The following INPP4A variants were observed in gnomAD, a reference collection of about 807,000 sequenced individuals.
INPP4A encodes inositol polyphosphate-4-phosphatase type I A, also known as inositol polyphosphate-4-phosphatase, type I, 107kD.
A neutral mutation model predicts 119.8 loss-of-function variants in INPP4A; 33 were observed. The observed-to-expected ratio is 0.28, with a 90% confidence interval of 0.21 to 0.37. INPP4A has a LOEUF of 0.37. Among genes scored for constraint, INPP4A ranks in the 10% least tolerant of loss-of-function variants. The pLI is 1.00. For synonymous variants in INPP4A, 496 were observed against 500.7 expected, an observed-to-expected ratio of 0.99 and a Z score of 0.12; for missense variants, 956 against 1,289.9, an observed-to-expected ratio of 0.74 and a Z score of 3.97.
chr2:98,463,477 C>T (rs991340648), intron 1 of INPP4A, among the ~76,000 whole-genome samples: 4 of 152,224 alleles, frequency 2.6e-5, no homozygotes, highest in African/African-American at 7.2e-5. Flanking sequence ...GCACGTTGCA[C>T]GTACATTTTG....
chr2:98,453,815 C>T (rs1034914434), intron 1 of INPP4A, among the ~76,000 whole-genome samples: 1 of 152,160 alleles, frequency 6.6e-6, no homozygotes, highest in Non-Finnish European at 1.5e-5. Context: ...TGAGCCAAAT[C>T]CTCCTGATGA....
intron 1 of INPP4A, among the ~76,000 whole-genome samples, chr2:98,504,759 A>G (rs1683730763): frequency 6.6e-6 from 1 of 152,260 alleles, no homozygotes; most frequent in Non-Finnish European, 1.5e-5. Flanking sequence ...TTAGAAAAAT[A>G]AACAGAGCCT....
rs781631598 is a variant in INPP4A, at chr2:98,566,159, C to A, written c.2410C>A (p.Leu804Met). The A allele has an allele frequency of 1.3e-6, 2 of 1,593,458 alleles. No individual in the cohort carries two copies. Among genetic ancestry groups the A allele is most frequent in the Non-Finnish European group, 8.6e-7 (1 of 1,167,764 alleles). ...FNVGINEQQTLAERFGDTSLQ... is the reference protein window; with the variant it reads ...FNVGINEQQTMAERFGDTSLQ... Reference sequence around the variant, plus strand: ...CGTGGGCATCAATGAGCAGCAGACACTGGCCGAGAGGTGCGTGCCGGCTCC... The same window carrying A: ...CGTGGGCATCAATGAGCAGCAGACAATGGCCGAGAGGTGCGTGCCGGCTCC... The change falls in exon 21 of 25, where the codon CTG becomes ATG. Residue 804 changes from leucine (L) to methionine (M), a missense_variant. By Grantham distance (15) the Leu-to-Met change is conservative. Coordinates refer to ENST00000409851, the MANE Select transcript of INPP4A (RefSeq NM_001134225.2). This position sits in a 1 kb window ranked among gnomAD's most constrained non-coding sequence, Gnocchi z 4.2.
intron 16 of INPP4A, among the ~76,000 whole-genome samples, chr2:98,557,594 C>G (rs957557900): frequency 3.3e-5 from 5 of 152,210 alleles, no homozygotes; most frequent in Non-Finnish European, 7.3e-5. Flanking sequence ...GTGAGAATAA[C>G]TCTGTACTGC....
chr2:98,504,572 C>T (rs1683694776), intron 1 of INPP4A, among the ~76,000 whole-genome samples: 1 of 152,206 alleles, frequency 6.6e-6, no homozygotes, highest in African/African-American at 2.4e-5. Context: ...TCCCCAGTCT[C>T]CTGGCTTACT....
chr2:98,467,132 G>A (rs912485439), intron 1 of INPP4A, among the ~76,000 whole-genome samples: 21 of 152,092 alleles, frequency 1.4e-4, no homozygotes, highest in African/African-American at 4.8e-4. Context: ...GGAAGGGAGC[G>A]GGTGGTGGTG....
chr2:98,518,052 C>T (rs986842201), intron 1 of INPP4A, among the ~76,000 whole-genome samples: 4 of 152,234 alleles, frequency 2.6e-5, no homozygotes, highest in African/African-American at 9.6e-5. Context: ...GTGTGTTCCT[C>T]ATTTATAAAT....
chr2:98,446,515 C>G (rs1393601718), intron 1 of INPP4A, among the ~76,000 whole-genome samples: 1 of 151,952 alleles, frequency 6.6e-6, no homozygotes, highest in African/African-American at 2.4e-5. Context: ...GTGCCTCATT[C>G]CCTGTGATGT....
chr2:98,474,286 C>T (rs1429973383), intron 1 of INPP4A, among the ~76,000 whole-genome samples: 1 of 152,234 alleles, frequency 6.6e-6, no homozygotes, highest in African/African-American at 2.4e-5. Flanking sequence ...CACCCGCAGC[C>T]TTCCCAGTGC....
chr2:98,563,941 T>G (rs1298587340), intron 18 of INPP4A, among the ~76,000 whole-genome samples: 2 of 151,328 alleles, frequency 1.3e-5, no homozygotes, highest in South Asian at 2.1e-4. Context: ...GCGTTTTTTT[T>G]TTTTTTTTTT....
In INPP4A at chr2:98,452,035, G is replaced by A. The variant is rs148005995; in HGVS notation, c.-166+6950G>A. On this transcript the variant is annotated intron_variant, in intron 1 of 24. Coordinates refer to ENST00000409851, the MANE Select transcript of INPP4A (RefSeq NM_001134225.2). Reference sequence around the variant, plus strand: ...GCTCCTCTGTCCAGCCATCACTGCCGGTTTCATCCTAGGGGGTTAGTCTCC... The same window carrying A: ...GCTCCTCTGTCCAGCCATCACTGCCAGTTTCATCCTAGGGGGTTAGTCTCC... 5.2e-3 allele frequency among the ~76,000 whole-genome samples: 794 copies of A among 152,240 alleles called. 12 individuals carry two copies. The highest frequency in any genetic ancestry group is 0.018 in the African/African-American group (738 of 41,520).
At chr2:98,474,642 G>A (rs1052522194) in intron 1 of INPP4A, among the ~76,000 whole-genome samples, 1 of 152,202 alleles carries the variant, frequency 6.6e-6, no homozygotes, top group African/African-American at 2.4e-5. Flanking sequence ...GCCCTGGGAG[G>A]CAGCAGACCC....
At chr2:98,506,776 AGG>A (rs535362562) in intron 1 of INPP4A, among the ~76,000 whole-genome samples, 29 of 152,312 alleles carry the variant, frequency 1.9e-4, no homozygotes, top group Non-Finnish European at 3.4e-4. Flanking sequence ...CACAAGAGGA[AGG>A]GGTCCTGGGC....
chr2:98,496,035 G>A (rs911481080), intron 1 of INPP4A, among the ~76,000 whole-genome samples: 1 of 152,206 alleles, frequency 6.6e-6, no homozygotes, highest in African/African-American at 2.4e-5. Flanking sequence ...GGAATCTGGT[G>A]TCTTATTACT....
intron 4 of INPP4A, among the ~76,000 whole-genome samples, chr2:98,526,904 G>A (rs551832441): frequency 3.3e-5 from 5 of 152,262 alleles, no homozygotes; most frequent in African/African-American, 1.2e-4. Flanking sequence ...AACAGGTCTT[G>A]CGTAAACTCA....
intron 19 of INPP4A, 109 bp from the exon 20 acceptor site, chr2:98,565,531 C>A: frequency 8.0e-7 from 1 of 1,250,828 alleles, no homozygotes; most frequent in Non-Finnish European, 1.1e-6. Flanking sequence ...CAGAGCCACA[C>A]CTGCACCCCT....
chr2:98,524,513 A>G (rs1273888130), intron 4 of INPP4A, among the ~76,000 whole-genome samples: 1 of 152,210 alleles, frequency 6.6e-6, no homozygotes, highest in African/African-American at 2.4e-5. Flanking sequence ...GAAGGTGGCC[A>G]TGGGACCATC....
Position 98,592,065 on chromosome 2 carries a change from C to T in INPP4A, c.*4457C>T, listed in dbSNP as rs887362206. The T allele has an allele frequency of 6.6e-6, 1 of 152,258 alleles. No individual in the cohort carries two copies. The highest frequency in any genetic ancestry group is 1.9e-4 in the East Asian group (1 of 5,198). The allele number at this position is 152,258 out of a possible 1,614,324, so 9.4% of individuals were successfully genotyped here. The stretch of plus-strand genomic sequence containing the variant: ...ACACATGGACAGAAGGAACTGGCCT[C>T]ACATGCCATCGTGTTCCTGGGATGG... On this transcript the variant is annotated 3_prime_UTR_variant, in exon 25 of 25. Transcript: ENST00000409851.
chr2:98,478,510 G>A (rs951136252), intron 1 of INPP4A, among the ~76,000 whole-genome samples: 1 of 152,230 alleles, frequency 6.6e-6, no homozygotes. Context: ...CAGGGCTGTG[G>A]GGGTAGGGGT....
Sources: gnomAD v4.1 joint callset for allele counts (sites outside exome capture counted in the v4.1 genomes callset) on GRCh38, gnomAD v4.1.1 for gene constraint, Gnocchi (gnomAD v3.1) non-coding constraint, MANE v1.5 for transcripts, NCBI Gene and HGNC (gene_info 2026-07-23, HGNC 2026-07-21) for gene names.